UBR4: variants seen among roughly 807,000 people sequenced by gnomAD.
UBR4 encodes ubiquitin protein ligase E3 component n-recognin 4, also known as E3 ubiquitin-protein ligase UBR4.
UBR4 carries 124 observed loss-of-function variants against 575.6 expected under a neutral mutation model. The ratio of observed to expected loss-of-function variants is 0.22; its 90% CI spans 0.19 to 0.25. The LOEUF (loss-of-function observed/expected upper bound fraction) is 0.25. UBR4 is among the 10% of genes least tolerant of loss of function. The pLI is 1.00. For missense variants in UBR4, 4,818 were observed against 6,478.8 expected (o/e 0.74, Z 8.80); for synonymous variants, 2,455 against 2,473.7 (o/e 0.99, Z 0.22).
intron 70 of UBR4, 130 bp from the exon 71 acceptor site, chr1:19,119,087 A>T (rs2080896192): frequency 2.7e-6 from 2 of 749,390 alleles, no homozygotes; most frequent in Admixed American, 2.7e-5. Flanking sequence ...GAATCATACA[A>T]AGCTGGGCCT....
At chr1:19,149,130 A>G (rs1210189764) in intron 49 of UBR4, among the ~76,000 whole-genome samples, 4 of 152,236 alleles carry the variant, frequency 2.6e-5, no homozygotes, top group African/African-American at 4.8e-5. Flanking sequence ...GTGCATGCCA[A>G]TTGCCAACAT....
rs376916180 is a variant in UBR4 at position 19,192,240 on chromosome 1, G to A, written c.1342C>T (p.Leu448Phe). 1.9e-6 allele frequency: 3 copies of A among 1,614,088 alleles called. No homozygotes were observed. Among genetic ancestry groups the A allele is most frequent in the African/African-American group, 1.3e-5 (1 of 74,942 alleles). ...PLAALRVRDI[L>F]SRTKEGVGSP... ...CCCACTCCCTCTTTAGTACGAGAAA[G>A]GATGTCTCTGACTCGGAGGGCAGCC... is the stretch of plus-strand genomic sequence containing the variant. Residue 448 changes from leucine (L) to phenylalanine (F), a missense_variant, in exon 11 of 106, where the codon CTT becomes TTT. Coordinates refer to ENST00000375254, the MANE Select transcript of UBR4 (RefSeq NM_020765.3).
At position 19,201,626 on chromosome 1, in the gene UBR4, A is replaced by C. The variant is rs1057362949; in HGVS notation, c.274+92T>G. 8.7e-6 allele frequency: 10 copies of C among 1,148,982 alleles called. No individual in the cohort carries two copies. In the African/African-American group the frequency reaches 1.6e-4, roughly 18 times the overall value. 71.2% of individuals were successfully genotyped at this position (1,148,982 alleles called of 1,614,324 possible). The stretch of plus-strand genomic sequence containing the variant: ...TTAGGAGTGCTAAAACCTAGACTTC[A>C]TTAACAACTTTTTCAGATACACTAA... On this transcript the variant is annotated intron_variant, in intron 2 of 105. Transcript: ENST00000375254.
chr1:19,081,726 C>A, intron 102 of UBR4, 153 bp from the exon 103 acceptor site: 1 of 827,508 alleles, frequency 1.2e-6, no homozygotes, highest in Non-Finnish European at 2.1e-6. Context: ...GCCGACTACT[C>A]CCACTTCCTC....
chr1:19,147,092 TA>T, intron 51 of UBR4, 92 bp from the exon 52 acceptor site: 1 of 1,395,554 alleles, frequency 7.2e-7, no homozygotes, highest in Non-Finnish European at 9.7e-7. Context: ...TCACCAGGAT[TA>T]TTACCTCCTC....
At chr1:19,178,038 AT>A (rs1462515088) in intron 18 of UBR4, among the ~76,000 whole-genome samples, 2 of 152,120 alleles carry the variant, frequency 1.3e-5, no homozygotes, top group African/African-American at 4.8e-5. Context: ...CCACCCTGTC[AT>A]TTGTGGCCAT....
chr1:19,206,292 G>A (rs115903663), intron 1 of UBR4, among the ~76,000 whole-genome samples: 2,868 of 151,926 alleles, frequency 0.019, 92 homozygotes, highest in African/African-American at 0.066. Context: ...AGCTATAATC[G>A]TCCCACTGTA....
At chr1:19,092,753 C>G (rs758611185) in intron 97 of UBR4, 66 bp downstream of exon 97, 93 of 1,351,036 alleles carry the variant, frequency 6.9e-5, no homozygotes, top group Non-Finnish European at 9.0e-5. Flanking sequence ...AGTCATGTCT[C>G]AAGGTAAACT....
intron 75 of UBR4, 144 bp downstream of exon 75, chr1:19,114,667 C>T (rs2149360421): frequency 2.9e-6 from 3 of 1,028,260 alleles, no homozygotes; most frequent in South Asian, 1.7e-5. Flanking sequence ...CCATTCTTTG[C>T]TCCCACCCAA....
intron 14 of UBR4, 89 bp downstream of exon 14, chr1:19,186,451 T>G: frequency 8.5e-7 from 1 of 1,182,484 alleles, no homozygotes; most frequent in Non-Finnish European, 1.2e-6. Context: ...GAAACTTTTG[T>G]TTGGTCAGGA....
At chr1:19,205,762 T>C (rs1377559992) in intron 1 of UBR4, among the ~76,000 whole-genome samples, 1 of 152,186 alleles carries the variant, frequency 6.6e-6, no homozygotes, top group Non-Finnish European at 1.5e-5. Flanking sequence ...TGACTGTGCA[T>C]TATCTAATGG....
chr1:19,137,823 C>T (rs1373173461), intron 60 of UBR4, among the ~76,000 whole-genome samples, 184 bp downstream of exon 60: 2 of 152,150 alleles, frequency 1.3e-5, no homozygotes, highest in Non-Finnish European at 2.9e-5. Context: ...TAATATAATT[C>T]GAAGACAAAG....
Position 19,141,425 on chromosome 1 carries a change from G to C in UBR4, c.8410C>G (p.Leu2804Val). 6.2e-7 allele frequency: 1 copy of C among 1,614,248 alleles called. No individual in the cohort carries two copies. ...LAGAEGFPPM[L>V]DIPPDADDET... Reference sequence around the variant, plus strand: ...TCATCTGCATCAGGTGGGATGTCCAGCATGGGGGGGAAGCCCTCTGCGCCT... The same window carrying C: ...TCATCTGCATCAGGTGGGATGTCCACCATGGGGGGGAAGCCCTCTGCGCCT... The change falls in exon 57 of 106, where the codon CTG becomes GTG. Residue 2804 changes from leucine to valine, a missense_variant. Leu to Val is a conservative substitution (Grantham distance 32). Coordinates refer to ENST00000375254, the MANE Select transcript of UBR4 (RefSeq NM_020765.3).
chr1:19,127,867 A>C (rs2081990908), intron 62 of UBR4, 128 bp from the exon 63 acceptor site: 3 of 739,914 alleles, frequency 4.1e-6, no homozygotes, highest in Admixed American at 4.7e-5. Context: ...GACACAAAAC[A>C]ACCCCCAGTA....
chr1:19,144,964 A>C (rs2084639681), intron 53 of UBR4, 57 bp from the exon 54 acceptor site: 1 of 1,603,812 alleles, frequency 6.2e-7, no homozygotes, highest in South Asian at 1.1e-5. Flanking sequence ...TAACTACTTG[A>C]GAGTCTGAGA....
intron 58 of UBR4, among the ~76,000 whole-genome samples, chr1:19,140,178 G>C (rs1009566275): frequency 6.6e-6 from 1 of 151,310 alleles, no homozygotes; most frequent in Non-Finnish European, 1.5e-5. Context: ...GGTTGACCAG[G>C]TATCTCCATT....
intron 87 of UBR4, among the ~76,000 whole-genome samples, chr1:19,101,922 G>C (rs1446108769): frequency 1.3e-5 from 2 of 152,212 alleles, no homozygotes; most frequent in Non-Finnish European, 2.9e-5. Context: ...CCTCCTCAAG[G>C]AGAGGGACTG....
intron 59 of UBR4, among the ~76,000 whole-genome samples, chr1:19,138,856 T>C (rs1005901721): frequency 6.6e-6 from 1 of 152,050 alleles, no homozygotes. Flanking sequence ...TTAGTAAATA[T>C]CTGTAAAATA....
rs758950524 is a variant in UBR4, at chr1:19,100,460, G to A, written c.13137C>T (p.Ile4379=). 3.1e-5 allele frequency: 50 copies of A among 1,614,114 alleles called. 2 individuals are homozygous for A. The highest frequency in any genetic ancestry group is 1.0e-4 in the Admixed American group (6 of 60,030). The change falls in exon 89 of 106, where the codon ATC becomes ATT. Residue 4379 remains isoleucine, a synonymous_variant. Coordinates refer to ENST00000375254, the MANE Select transcript of UBR4 (RefSeq NM_020765.3). This position sits in a 1 kb window ranked among gnomAD's most constrained non-coding sequence, Gnocchi z 4.2. The part of the protein sequence containing the change: ...GNPYSSNEPG[I]GPLMRDIKNK... ...TCTTTATATCCCTCATCAGCGGCCC[G>A]ATGCCTGGCTCATTGCTGCTATACG...
Sources: allele counts gnomAD v4.1 joint callset (sites outside exome capture counted in the v4.1 genomes callset), GRCh38; gene constraint gnomAD v4.1.1; non-coding constraint Gnocchi (gnomAD v3.1); transcripts MANE v1.5; gene names NCBI Gene and HGNC (gene_info 2026-07-23, HGNC 2026-07-21).